The following TVP23C variants were observed in gnomAD, a reference collection of about 807,000 sequenced individuals.
TVP23C encodes trans-golgi network vesicle protein 23 homolog C.
Under a neutral mutation model 28.7 loss-of-function variants are expected in TVP23C, and 19 were observed. That is an observed-to-expected ratio of 0.66 (90% CI 0.46 to 0.97). The LOEUF is 0.97. TVP23C is among the 50% of genes least tolerant of loss of function. The pLI, the probability that TVP23C is intolerant of heterozygous loss-of-function variation, is 0.00. For synonymous variants in TVP23C, 68 were observed against 81.7 expected, an observed-to-expected ratio of 0.83 and a Z score of 0.90; for missense variants, 186 against 241.3, an observed-to-expected ratio of 0.77 and a Z score of 1.52.
chr17:15,540,685 G>T, intron 5 of TVP23C, 124 bp from the exon 6 acceptor site: 1 of 612,208 alleles, frequency 1.6e-6, no homozygotes, highest in East Asian at 2.8e-5. Context: ...GCAAAGCCAT[G>T]ATTGTGCCAG....
At chr17:15,508,385 T>G (rs1027651593) in intron 5 of TVP23C, among the ~76,000 whole-genome samples, 2 of 152,158 alleles carry the variant, frequency 1.3e-5, no homozygotes, top group Non-Finnish European at 2.9e-5. Context: ...TAGAGAGAAA[T>G]CATAGGATGA....
At chr17:15,514,527 GA>G (rs914639191) in intron 5 of TVP23C, among the ~76,000 whole-genome samples, 6 of 151,972 alleles carry the variant, frequency 3.9e-5, no homozygotes, top group African/African-American at 1.5e-4. Context: ...GTATGTGACA[GA>G]AAACAAACAG....
At chr17:15,523,310 T>C (rs1429369885) in intron 5 of TVP23C, among the ~76,000 whole-genome samples, 2 of 149,366 alleles carry the variant, frequency 1.3e-5, no homozygotes, top group East Asian at 4.1e-4. Flanking sequence ...AGGCCTTTTT[T>C]TTCTTTTTTT....
chr17:15,543,390 A>G (rs1344420031), intron 5 of TVP23C, among the ~76,000 whole-genome samples: 2 of 151,380 alleles, frequency 1.3e-5, no homozygotes, highest in Non-Finnish European at 3.0e-5. Context: ...GCAAAACTAT[A>G]GCGAAAAAAG....
intron 5 of TVP23C, among the ~76,000 whole-genome samples, chr17:15,504,569 A>ATT (rs35169392): frequency 4.0e-5 from 6 of 151,430 alleles, no homozygotes; most frequent in Admixed American, 1.3e-4. Context: ...AATAAAGACA[A>ATT]TTTTTTTTTA....
chr17:15,507,444 T>A (rs1015912568), intron 5 of TVP23C: 3 of 491,552 alleles, frequency 6.1e-6, no homozygotes, highest in Non-Finnish European at 7.4e-6. Flanking sequence ...CACTATCCTG[T>A]CATCTTTGTG....
chr17:15,504,000 A>C (rs1424659394), intron 5 of TVP23C, among the ~76,000 whole-genome samples: 1 of 149,956 alleles, frequency 6.7e-6, no homozygotes, highest in Non-Finnish European at 1.5e-5. Context: ...CCAATACCTA[A>C]GGATGGTTTC....
At chr17:15,555,524 C>T (rs181601248) in intron 1 of TVP23C, among the ~76,000 whole-genome samples, 160 bp from the exon 2 acceptor site, 1 of 152,346 alleles carries the variant, frequency 6.6e-6, no homozygotes, top group East Asian at 1.9e-4. Flanking sequence ...GATCCTCCAC[C>T]CGCCTCCTCA....
chr17:15,518,739 A>T (rs1045545593), intron 5 of TVP23C, among the ~76,000 whole-genome samples: 5 of 152,192 alleles, frequency 3.3e-5, no homozygotes, highest in African/African-American at 1.2e-4. Flanking sequence ...TTCATGGTTG[A>T]CTAGTGATGT....
At chr17:15,530,254 G>A (rs1200816836) in intron 5 of TVP23C, among the ~76,000 whole-genome samples, 1 of 152,024 alleles carries the variant, frequency 6.6e-6, no homozygotes, top group Non-Finnish European at 1.5e-5. Flanking sequence ...TATTAAATAG[G>A]TATTTTCTAG....
At position 15,538,937 on chromosome 17, in the gene TVP23C, A is replaced by G. The variant is rs1290314544; in HGVS notation, c.*1475T>C. ...TGAATATTCATTTTCTCTACTTTTC[A>G]TCTTCTGTGAGAGAAACTGTACAGT... On this transcript the variant is annotated 3_prime_UTR_variant, in exon 6 of 6. Coordinates refer to ENST00000518321, the MANE Select transcript of TVP23C (RefSeq NM_001135036.2). The G allele has an allele frequency of 2.0e-6, 2 of 985,758 alleles. No individual in the cohort carries two copies. The highest frequency in any genetic ancestry group is 3.5e-5 in the African/African-American group (2 of 57,246). The allele number at this position is 985,758 out of a possible 1,614,324, so 61.1% of individuals were successfully genotyped here.
chr17:15,511,516 A>C (rs976263095), intron 5 of TVP23C, among the ~76,000 whole-genome samples: 2 of 152,232 alleles, frequency 1.3e-5, no homozygotes, highest in Non-Finnish European at 1.5e-5. Context: ...ATCATTAAGA[A>C]ATTTAAAGTA....
intron 5 of TVP23C, among the ~76,000 whole-genome samples, chr17:15,518,979 T>C (rs1006116984): frequency 6.6e-6 from 1 of 152,230 alleles, no homozygotes; most frequent in African/African-American, 2.4e-5. Flanking sequence ...GATTTGATGG[T>C]TGAAAGGTGT....
At chr17:15,554,205 A>G (rs1387094109) in intron 2 of TVP23C, among the ~76,000 whole-genome samples, 1 of 151,998 alleles carries the variant, frequency 6.6e-6, no homozygotes, top group East Asian at 1.9e-4. Flanking sequence ...CTCAGACATT[A>G]AGACAAAGTT....
At chr17:15,503,196 C>G (rs1981563811) in exon 6 of TVP23C, 1 of 1,566,282 alleles carries the variant, frequency 6.4e-7, no homozygotes, top group Non-Finnish European at 8.7e-7. Context: ...GAGCCCAAGA[C>G]TTTCAGACCA....
chr17:15,507,238 T>C, intron 5 of TVP23C: 1 of 735,998 alleles, frequency 1.4e-6, no homozygotes, highest in South Asian at 1.4e-5. Context: ...GGGAAGCAGG[T>C]GGTCTCTGGC....
chr17:15,533,047 T>G (rs183303176), downstream of TVP23C, among the ~76,000 whole-genome samples: 5 of 152,366 alleles, frequency 3.3e-5, no homozygotes, highest in South Asian at 1.0e-3. Context: ...GGACAGACTG[T>G]TCATCAATGA....
exon 6 of TVP23C, chr17:15,503,081 A>T: frequency 6.2e-7 from 1 of 1,614,168 alleles, no homozygotes; most frequent in Non-Finnish European, 8.5e-7. Context: ...GATCCTCGTG[A>T]AAGAATTAAT....
chr17:15,532,782 A>G (rs964416614), downstream of TVP23C, among the ~76,000 whole-genome samples: 1 of 152,198 alleles, frequency 6.6e-6, no homozygotes, highest in Non-Finnish European at 1.5e-5. Flanking sequence ...TTAAATTAAT[A>G]TAAGCAGCAT....
Sources: gnomAD v4.1 joint callset for allele counts (sites outside exome capture counted in the v4.1 genomes callset) on GRCh38, gnomAD v4.1.1 for gene constraint, MANE v1.5 for transcripts, NCBI Gene and HGNC (gene_info 2026-07-23, HGNC 2026-07-21) for gene names.